EVA1A: variants seen among roughly 807,000 people sequenced by gnomAD.
EVA1A encodes the protein protein eva-1 homolog A.
EVA1A carries 7 observed loss-of-function variants against 9.8 expected under a neutral mutation model. The ratio of observed to expected loss-of-function variants is 0.71; its 90% CI spans 0.41 to 1.34. The LOEUF is 1.34. Ranked by LOEUF, EVA1A falls within the 40% of genes most tolerant of loss-of-function variation. The pLI, the probability that EVA1A is intolerant of heterozygous loss-of-function variation, is 0.01. For missense variants in EVA1A, 206 were observed against 205.9 expected, an observed-to-expected ratio of 1.00 and a Z score of 0.00; for synonymous variants, 90 against 85.6, an observed-to-expected ratio of 1.05 and a Z score of -0.28.
At chr2:75,556,629 G>T (rs1676719020) in intron 1 of EVA1A, among the ~76,000 whole-genome samples, 1 of 152,210 alleles carries the variant, frequency 6.6e-6, no homozygotes, top group Admixed American at 6.5e-5. Context: ...CGAGTCTGGT[G>T]TGGGAAAGGG....
chr2:75,517,829 T>A, intron 3 of EVA1A: 1 of 727,426 alleles, frequency 1.4e-6, no homozygotes, highest in Non-Finnish European at 2.5e-6. Context: ...AGCTAAACAT[T>A]TTCTGCAAGA....
At chr2:75,542,295 TG>T (rs1332871277) in intron 1 of EVA1A, 3 of 152,284 alleles carry the variant, frequency 2.0e-5, no homozygotes, top group Admixed American at 2.0e-4. Flanking sequence ...TAATACATGG[TG>T]CCAGGCTGAG....
intron 1 of EVA1A, among the ~76,000 whole-genome samples, chr2:75,538,864 T>C (rs1199119050): frequency 1.3e-5 from 2 of 152,200 alleles, no homozygotes; most frequent in African/African-American, 4.8e-5. Context: ...AAGAAAGTTA[T>C]TGTAGCTAAA....
At chr2:75,561,478 CCTTTCT>C (rs1341604465), upstream of EVA1A, 1 of 151,098 alleles carries the variant, frequency 6.6e-6, no homozygotes, top group African/African-American at 2.4e-5. Context: ...CTCTGTTTGG[CCTTTCT>C]CTTTCAGGGT....
chr2:75,529,463 A>G lies in EVA1A; in HGVS notation c.-191-6976T>C, dbSNP rs534108375. Among the ~76,000 whole-genome samples, 158 of 152,326 alleles carry G rather than the reference A, an allele frequency of 1.0e-3. 3 individuals carry two copies. Among genetic ancestry groups the G allele is most frequent in the African/African-American group, 3.7e-3 (154 of 41,584 alleles). On this transcript the variant is annotated intron_variant, in intron 1 of 3. Coordinates refer to ENST00000393913, the MANE Select transcript of EVA1A (RefSeq NM_001135032.2). ...GAATATACATTCTATTCATCAGCAC[A>G]CAGAACATTATTCAAGATAGACCAT...
chr2:75,560,195 G>C (rs958679440), intron 1 of EVA1A, among the ~76,000 whole-genome samples: 6 of 152,136 alleles, frequency 3.9e-5, no homozygotes, highest in African/African-American at 1.4e-4. Context: ...TCGGGGTCCT[G>C]GGGGTCGCCA....
chr2:75,536,015 G>A (rs142144803), intron 1 of EVA1A, among the ~76,000 whole-genome samples: 4 of 152,280 alleles, frequency 2.6e-5, no homozygotes, highest in Non-Finnish European at 4.4e-5. Context: ...TTTCTCAGGC[G>A]TGGGCCACCG....
At chr2:75,555,336 T>TCTCTCTCTCTCTCTCTCTCCCC (rs766586263) in intron 1 of EVA1A, among the ~76,000 whole-genome samples, 58 of 102,818 alleles carry the variant, frequency 5.6e-4, no homozygotes, top group Non-Finnish European at 9.3e-4. Flanking sequence ...TCTCTCTCTC[T>TCTCTCTCTCTCTCTCTCTCCCC]CCCCCATCTC....
intron 3 of EVA1A, among the ~76,000 whole-genome samples, chr2:75,508,390 G>A (rs1674693429): frequency 6.6e-6 from 1 of 152,146 alleles, no homozygotes; most frequent in Non-Finnish European, 1.5e-5. Context: ...ATACATGCCT[G>A]GGGGTATGGG....
upstream of EVA1A, among the ~76,000 whole-genome samples, chr2:75,564,623 G>GA (rs775883278): frequency 2.0e-5 from 3 of 152,202 alleles, no homozygotes; most frequent in Non-Finnish European, 4.4e-5. Context: ...GTGAGTGGAG[G>GA]CTGTGGCATT....
chr2:75,566,421 G>C (rs1677030212), intron 1 of EVA1A, among the ~76,000 whole-genome samples: 1 of 152,122 alleles, frequency 6.6e-6, no homozygotes, highest in Non-Finnish European at 1.5e-5. Flanking sequence ...GATGCCAGGA[G>C]CACACGTCAG....
In EVA1A at chr2:75,500,307, G is replaced by C. The variant is rs183597207; in HGVS notation, c.86-6698C>G. On this transcript the variant is annotated intron_variant, in intron 3 of 3. Transcript: ENST00000393913. ...ATAAATCAAAATAACTTTTGATGAC[G>C]GATCACTCTGATTTTTGGCATACGA... is the stretch of plus-strand genomic sequence containing the variant. Among the ~76,000 whole-genome samples, 1,420 of 152,216 alleles carry C rather than the reference G, an allele frequency of 9.3e-3. 13 individuals are homozygous for C. Among genetic ancestry groups the C allele is most frequent in the Non-Finnish European group, 0.016 (1,074 of 68,006 alleles).
intron 1 of EVA1A, among the ~76,000 whole-genome samples, chr2:75,559,705 G>GGC (rs1177474499): frequency 7.5e-6 from 1 of 133,570 alleles, no homozygotes; most frequent in Non-Finnish European, 1.6e-5. Context: ...GGTGGGGGGG[G>GGC]GGCGGGGGAG....
intron 3 of EVA1A, among the ~76,000 whole-genome samples, chr2:75,514,111 T>C (rs902853432): frequency 6.6e-6 from 1 of 152,120 alleles, no homozygotes; most frequent in Non-Finnish European, 1.5e-5. Context: ...CCACAGCAAA[T>C]ACCATTATGA....
chr2:75,519,341 G>T (rs1322405723), intron 2 of EVA1A, among the ~76,000 whole-genome samples: 1 of 152,310 alleles, frequency 6.6e-6, no homozygotes, highest in East Asian at 1.9e-4. Flanking sequence ...TCACAGATAT[G>T]AGTAACATGG....
intron 3 of EVA1A, among the ~76,000 whole-genome samples, chr2:75,500,078 C>T (rs1229485683): frequency 1.3e-5 from 2 of 152,170 alleles, no homozygotes; most frequent in East Asian, 3.9e-4. Context: ...CCTTCCCCCA[C>T]CCCACATCCC....
At chr2:75,502,169 T>C (rs1431321158) in intron 3 of EVA1A, among the ~76,000 whole-genome samples, 1 of 152,196 alleles carries the variant, frequency 6.6e-6, no homozygotes, top group Non-Finnish European at 1.5e-5. Flanking sequence ...AGAAATAAAT[T>C]TGGGATAGGC....
At chr2:75,528,393 T>C (rs35659262) in intron 1 of EVA1A, among the ~76,000 whole-genome samples, 28,374 of 152,146 alleles carry the variant, frequency 0.19, 3,038 homozygotes, top group African/African-American at 0.29. Flanking sequence ...ATCTCAGCCC[T>C]GTGCACCAGA....
chr2:75,527,390 C>T (rs1028554311), intron 1 of EVA1A, among the ~76,000 whole-genome samples: 2 of 152,134 alleles, frequency 1.3e-5, no homozygotes, highest in South Asian at 2.1e-4. Flanking sequence ...TGGACATCCG[C>T]CCCCTCCTAG....
Sources: gnomAD v4.1 joint callset for allele counts (sites outside exome capture counted in the v4.1 genomes callset) on GRCh38, gnomAD v4.1.1 for gene constraint, MANE v1.5 for transcripts, NCBI Gene and HGNC (gene_info 2026-07-23, HGNC 2026-07-21) for gene names.